The following PRICKLE2 variants were observed in gnomAD, a reference collection of about 807,000 sequenced individuals.
PRICKLE2 encodes the protein prickle planar cell polarity protein 2, also known as prickle-like protein 2.
In PRICKLE2, 21 loss-of-function variants were observed where a neutral mutation model predicts 81.4. That is an observed-to-expected ratio of 0.26 (90% CI 0.18 to 0.37). PRICKLE2 has a LOEUF of 0.37. Ranked by LOEUF, PRICKLE2 falls within the 10% of genes least tolerant of loss-of-function variation. The probability of loss-of-function intolerance (pLI) is 1.00; values close to 1 mark genes in which losing one functional copy is unlikely to be tolerated. For missense variants in PRICKLE2, 940 were observed against 1,109.0 expected, an observed-to-expected ratio of 0.85 and a Z score of 2.16; for synonymous variants, 456 against 421.5, an observed-to-expected ratio of 1.08 and a Z score of -1.00.
At chr3:64,154,576 A>G (rs1382968337) in intron 5 of PRICKLE2, 2 of 152,092 alleles carry the variant, frequency 1.3e-5, no homozygotes, top group African/African-American at 2.4e-5. Flanking sequence ...AAATGGGTTT[A>G]AAGAGCTAGG....
chr3:64,120,672 G>C (rs192219909), intron 7 of PRICKLE2, among the ~76,000 whole-genome samples: 14 of 152,262 alleles, frequency 9.2e-5, no homozygotes, highest in African/African-American at 2.4e-4. Context: ...AAAGGGTCTG[G>C]GGTGCTTTCC....
chr3:64,148,374 T>C (rs1350835119), intron 6 of PRICKLE2, among the ~76,000 whole-genome samples: 2 of 152,214 alleles, frequency 1.3e-5, no homozygotes, highest in Admixed American at 6.5e-5. Context: ...AGTATATACA[T>C]GCATCTGTTT....
At chr3:64,244,916 G>A (rs572667723) in intron 2 of PRICKLE2, among the ~76,000 whole-genome samples, 5 of 152,132 alleles carry the variant, frequency 3.3e-5, no homozygotes, top group African/African-American at 9.6e-5. Flanking sequence ...AATATACCCC[G>A]AATATTTCAA....
intron 2 of PRICKLE2, among the ~76,000 whole-genome samples, chr3:64,180,130 C>G (rs182774887): frequency 6.6e-6 from 1 of 152,108 alleles, no homozygotes; most frequent in East Asian, 1.9e-4. Context: ...ATGTTATGTG[C>G]GTATGTTATA....
intron 1 of PRICKLE2, among the ~76,000 whole-genome samples, chr3:64,221,629 T>C (rs1035923257): frequency 6.6e-6 from 1 of 152,190 alleles, no homozygotes; most frequent in African/African-American, 2.4e-5. Context: ...AGCAGTTCCC[T>C]GTTTATAAGC....
At chr3:64,159,186 A>G (rs1455094624) in intron 4 of PRICKLE2, among the ~76,000 whole-genome samples, 1 of 151,922 alleles carries the variant, frequency 6.6e-6, no homozygotes, top group Non-Finnish European at 1.5e-5. Context: ...ATGCCTCTTC[A>G]CTCCCCTGAA....
intron 2 of PRICKLE2, among the ~76,000 whole-genome samples, chr3:64,253,712 A>C (rs1200302718): frequency 6.6e-6 from 1 of 152,372 alleles, no homozygotes; most frequent in South Asian, 2.1e-4. Context: ...CCTTATTTAA[A>C]GAATTCTTAA....
chr3:64,240,860 A>C (rs2079254313), intron 2 of PRICKLE2, among the ~76,000 whole-genome samples: 1 of 152,180 alleles, frequency 6.6e-6, no homozygotes, highest in South Asian at 2.1e-4. Context: ...CAATGGTCTA[A>C]ATAATCCCCA....
intron 2 of PRICKLE2, among the ~76,000 whole-genome samples, chr3:64,168,338 T>C (rs1469855670): frequency 6.6e-6 from 1 of 151,956 alleles, no homozygotes; most frequent in South Asian, 2.1e-4. Context: ...GAGCCACACA[T>C]AAAATACAGT....
At chr3:64,263,701 T>C (rs1174693105) in intron 2 of PRICKLE2, among the ~76,000 whole-genome samples, 4 of 152,166 alleles carry the variant, frequency 2.6e-5, no homozygotes, top group Admixed American at 6.5e-5. Flanking sequence ...AAGTGGCACC[T>C]ACATCCAGGT....
upstream of PRICKLE2, chr3:64,225,500 T>C: frequency 5.1e-6 from 5 of 973,096 alleles, no homozygotes; most frequent in Non-Finnish European, 6.1e-6. Context: ...GAAGCTGTGA[T>C]GTCAGCAAGT....
intron 2 of PRICKLE2, among the ~76,000 whole-genome samples, chr3:64,236,810 A>G (rs1237708633): frequency 6.6e-6 from 1 of 152,176 alleles, no homozygotes; most frequent in Non-Finnish European, 1.5e-5. Context: ...AACATGAATG[A>G]CGGTGACAAT....
chr3:64,135,727 C>T (rs1049579957), intron 7 of PRICKLE2, among the ~76,000 whole-genome samples: 2 of 151,018 alleles, frequency 1.3e-5, no homozygotes, highest in Non-Finnish European at 2.9e-5. Flanking sequence ...CACACACGCA[C>T]ACACACCTGC....
intron 3 of PRICKLE2, among the ~76,000 whole-genome samples, chr3:64,161,158 T>C (rs986663746): frequency 1.3e-5 from 2 of 152,274 alleles, no homozygotes; most frequent in East Asian, 3.9e-4. Flanking sequence ...AAATTGAAAT[T>C]TCCTCCTTGA....
intron 7 of PRICKLE2, among the ~76,000 whole-genome samples, chr3:64,115,973 G>T (rs1429327162): frequency 6.6e-6 from 1 of 152,022 alleles, no homozygotes; most frequent in Non-Finnish European, 1.5e-5. Context: ...AAATGCAAAA[G>T]AACTGAAATC....
At chr3:64,120,667 G>A (rs1156351308) in intron 7 of PRICKLE2, among the ~76,000 whole-genome samples, 2 of 152,164 alleles carry the variant, frequency 1.3e-5, no homozygotes, top group South Asian at 4.1e-4. Flanking sequence ...ACAGCAAAGG[G>A]TCTGGGGTGC....
chr3:64,173,050 T>C (rs2077961313), intron 2 of PRICKLE2, among the ~76,000 whole-genome samples: 1 of 152,130 alleles, frequency 6.6e-6, no homozygotes, highest in African/African-American at 2.4e-5. Context: ...TGAGTGCTTG[T>C]GGGGAAAGAA....
chr3:64,192,052 C>A (rs2078352711), intron 2 of PRICKLE2, among the ~76,000 whole-genome samples: 1 of 152,206 alleles, frequency 6.6e-6, no homozygotes, highest in African/African-American at 2.4e-5. Context: ...AACTCTGAAG[C>A]AATTGGGATG....
intron 1 of PRICKLE2, among the ~76,000 whole-genome samples, chr3:64,221,429 ACAC>A (rs1265583527): frequency 1.4e-5 from 2 of 145,140 alleles, no homozygotes; most frequent in East Asian, 3.9e-4. Flanking sequence ...ATACACACAC[ACAC>A]ACACACACAC....
Sources: allele counts gnomAD v4.1 joint callset (sites outside exome capture counted in the v4.1 genomes callset), GRCh38; gene constraint gnomAD v4.1.1; transcripts MANE v1.5; gene names NCBI Gene and HGNC (gene_info 2026-07-23, HGNC 2026-07-21).